RIPK1: variants seen among roughly 807,000 people sequenced by gnomAD.
The protein encoded by RIPK1 is receptor-interacting serine/threonine-protein kinase 1.
Under a neutral mutation model 62.4 loss-of-function variants are expected in RIPK1, and 27 were observed. The observed-to-expected ratio is 0.43, with a 90% CI of 0.32 to 0.60. The LOEUF is 0.60. Among genes scored for constraint, RIPK1 ranks in the 20% least tolerant of loss-of-function variants. RIPK1 has a pLI of 0.07. For synonymous variants in RIPK1, 287 were observed against 303.2 expected, an observed-to-expected ratio of 0.95 and a Z score of 0.55; for missense variants, 735 against 831.0, an observed-to-expected ratio of 0.88 and a Z score of 1.42.
intron 6 of RIPK1, among the ~76,000 whole-genome samples, chr6:3,087,696 C>A (rs1391663443): frequency 6.6e-6 from 1 of 151,998 alleles, no homozygotes; most frequent in African/African-American, 2.4e-5. Flanking sequence ...CCCGCCACCA[C>A]ACCTGGCTAA....
chr6:3,083,682 C>T (rs1020644848), intron 5 of RIPK1, among the ~76,000 whole-genome samples: 1 of 152,156 alleles, frequency 6.6e-6, no homozygotes, highest in East Asian at 1.9e-4. Flanking sequence ...TAAGTCGTGG[C>T]TTGTGTAGGA....
chr6:3,077,758 T>C (rs778795795), intron 2 of RIPK1, 21 bp from the exon 3 acceptor site: 2 of 1,613,440 alleles, frequency 1.2e-6, no homozygotes, highest in African/African-American at 2.7e-5. Flanking sequence ...AGCCTCAGCA[T>C]AGCACCTTTC....
chr6:3,108,841 G>A (rs532950716), intron 9 of RIPK1, among the ~76,000 whole-genome samples: 8 of 152,126 alleles, frequency 5.3e-5, no homozygotes, highest in Admixed American at 1.3e-4. Context: ...CCTTTCAGTA[G>A]AGAGGGTCCC....
chr6:3,088,125 A>G lies in RIPK1; in HGVS notation c.839-1456A>G, dbSNP rs140692006. On this transcript the variant is annotated intron_variant, in intron 6 of 10. Coordinates refer to ENST00000259808, the MANE Select transcript of RIPK1 (RefSeq NM_001354930.2). ...TTGTACATTTTCTTCCTATGTTTGGAGATTCTGTATCCTCTTTAAGCCTTC... is the reference window on the plus strand; with the variant it reads ...TTGTACATTTTCTTCCTATGTTTGGGGATTCTGTATCCTCTTTAAGCCTTC... Among the ~76,000 whole-genome samples, 367 of 152,156 alleles carry G rather than the reference A, an allele frequency of 2.4e-3. 2 individuals are homozygous for G. The highest frequency in any genetic ancestry group is 8.2e-3 in the African/African-American group (341 of 41,534).
intron 3 of RIPK1, among the ~76,000 whole-genome samples, chr6:3,080,739 T>TACC (rs1474925309): frequency 6.6e-6 from 1 of 152,168 alleles, no homozygotes; most frequent in African/African-American, 2.4e-5. Flanking sequence ...TTTTATGCAT[T>TACC]ACCAAATTAT....
At chr6:3,096,498 G>C (rs186917160) in intron 7 of RIPK1, among the ~76,000 whole-genome samples, 4 of 150,294 alleles carry the variant, frequency 2.7e-5, no homozygotes, top group African/African-American at 9.8e-5. Context: ...GAAGATGTCA[G>C]CTCTTCTCAA....
chr6:3,068,925 C>T (rs534723757), intron 1 of RIPK1: 274 of 154,764 alleles, frequency 1.8e-3, no homozygotes, highest in Middle Eastern at 3.4e-3. Context: ...GGACTCTGCC[C>T]GGGGTGCGCG....
chr6:3,095,884 G>A (rs1270355534), intron 7 of RIPK1, among the ~76,000 whole-genome samples: 2 of 143,488 alleles, frequency 1.4e-5, no homozygotes, highest in East Asian at 4.1e-4. Flanking sequence ...TTACTCTGTT[G>A]CCTAGGCTGG....
intron 7 of RIPK1, among the ~76,000 whole-genome samples, chr6:3,097,044 T>C (rs968756052): frequency 2.0e-5 from 3 of 152,024 alleles, no homozygotes; most frequent in African/African-American, 7.3e-5. Context: ...CTAATTTTTG[T>C]ATTTTTAGTA....
chr6:3,082,302 C>CT (rs1759432461), intron 4 of RIPK1, among the ~76,000 whole-genome samples: 1 of 152,236 alleles, frequency 6.6e-6, no homozygotes, highest in Admixed American at 6.5e-5. Flanking sequence ...AAATTCATGA[C>CT]TTCCCTCTTA....
intron 9 of RIPK1, among the ~76,000 whole-genome samples, chr6:3,107,499 A>G (rs1431608924): frequency 7.2e-6 from 1 of 139,080 alleles, no homozygotes; most frequent in Non-Finnish European, 1.5e-5. Flanking sequence ...CGGGAGGCAG[A>G]GGTTGCAGTA....
At chr6:3,088,018 A>T (rs547990486) in intron 6 of RIPK1, among the ~76,000 whole-genome samples, 1 of 152,350 alleles carries the variant, frequency 6.6e-6, no homozygotes, top group South Asian at 2.1e-4. Flanking sequence ...CATTGCTGTC[A>T]TCTCAGTATT....
At chr6:3,111,526 T>C (rs1032557783) in intron 10 of RIPK1, among the ~76,000 whole-genome samples, 1 of 151,620 alleles carries the variant, frequency 6.6e-6, no homozygotes, top group African/African-American at 2.4e-5. Flanking sequence ...TTTTTTTTTT[T>C]CTGTAAAGGA....
In RIPK1 at chr6:3,100,250, G is replaced by A. The variant is rs200060798; in HGVS notation, c.916-3975G>A. Among the ~76,000 whole-genome samples, 13 of 151,980 alleles carry A rather than the reference G, an allele frequency of 8.6e-5. No individual in the cohort carries two copies. In the East Asian group the frequency reaches 1.2e-3, roughly 14 times the overall value. On this transcript the variant is annotated intron_variant, in intron 7 of 10. Coordinates refer to ENST00000259808, the MANE Select transcript of RIPK1 (RefSeq NM_001354930.2). The stretch of plus-strand genomic sequence containing the variant: ...CAGCTGGCCAACATGGTAAAACCCC[G>A]TCTCTACTAATAATACAAAAAAAAC...
chr6:3,101,238 G>A (rs1420193640), intron 7 of RIPK1, among the ~76,000 whole-genome samples: 2 of 152,160 alleles, frequency 1.3e-5, no homozygotes, highest in Non-Finnish European at 2.9e-5. Context: ...GGAGGACACA[G>A]TGAGACTCTG....
rs199932915 is a variant in RIPK1, at chr6:3,081,053, A to C, written c.396A>C (p.Lys132Asn). Residue 132 changes from lysine (K) to asparagine (N), a missense_variant, in exon 4 of 11, where the codon AAA becomes AAC. Lys to Asn is a moderately conservative substitution (Grantham distance 94). Coordinates refer to ENST00000259808, the MANE Select transcript of RIPK1 (RefSeq NM_001354930.2). ...IIEGMCYLHGKGVIHKDLKPE... is the reference protein window; with the variant it reads ...IIEGMCYLHGNGVIHKDLKPE... The stretch of plus-strand genomic sequence containing the variant: ...AAGGAATGTGCTACTTACATGGAAA[A>C]GGCGTGATACACAAGGACCTGAAGC... 9.5e-5 allele frequency: 154 copies of C among 1,614,190 alleles called. 1 individual carries two copies. The East Asian group carries it at 3.3e-3, about 35-fold the overall frequency.
chr6:3,070,342 C>T (rs1158861465), intron 1 of RIPK1, among the ~76,000 whole-genome samples: 3 of 152,112 alleles, frequency 2.0e-5, no homozygotes, highest in African/African-American at 7.2e-5. Context: ...CTTAATTTCC[C>T]ATGCTTTAGT....
intron 7 of RIPK1, among the ~76,000 whole-genome samples, chr6:3,094,943 T>C (rs1760205912): frequency 1.3e-5 from 2 of 151,956 alleles, no homozygotes; most frequent in Admixed American, 1.3e-4. Context: ...CATGTGCCAG[T>C]AGTCCCATGA....
rs1243961866 is a variant in RIPK1 at position 3,068,656 on chromosome 6, G to A, written c.-66G>A. ...GCTGGACGGCGCGGCCACGGAGAAG[G>A]GCGCGGTGAGCGGACTGGCACCGCG... On this transcript the variant is annotated 5_prime_UTR_variant, in exon 1 of 11. Coordinates refer to ENST00000259808, the MANE Select transcript of RIPK1 (RefSeq NM_001354930.2). 3 of 985,196 alleles carry A rather than the reference G, an allele frequency of 3.0e-6. No homozygotes were observed. In the African/African-American group the frequency reaches 5.2e-5, roughly 17 times the overall value. 61.0% of individuals were successfully genotyped at this position (985,196 alleles called of 1,614,324 possible). A position where few individuals can be genotyped will look rare whatever the true frequency, so the allele number is the denominator to read the frequency against.
Sources: gnomAD v4.1 joint callset for allele counts (sites outside exome capture counted in the v4.1 genomes callset) on GRCh38, gnomAD v4.1.1 for gene constraint, MANE v1.5 for transcripts, NCBI Gene and HGNC (gene_info 2026-07-23, HGNC 2026-07-21) for gene names.